The following UBR2 variants were observed in gnomAD, a reference collection of about 807,000 sequenced individuals.
UBR2 encodes the protein E3 ubiquitin-protein ligase UBR2.
In UBR2, 92 loss-of-function variants were observed where a neutral mutation model predicts 247.9. The observed-to-expected ratio is 0.37, with a 90% CI of 0.31 to 0.44. The LOEUF is 0.44. Ranked by LOEUF, UBR2 falls within the 20% of genes least tolerant of loss-of-function variation. The pLI, the probability that UBR2 is intolerant of heterozygous loss-of-function variation, is 1.00. For synonymous variants in UBR2, 672 were observed against 693.5 expected (o/e 0.97, Z 0.49); for missense variants, 1,613 against 2,112.6 (o/e 0.76, Z 4.64).
Position 42,692,179 on chromosome 6 carries a change from A to G in UBR2, c.*1006A>G, listed in dbSNP as rs558244086. The stretch of plus-strand genomic sequence containing the variant: ...ATTTTCTTATCTGTATTCTTTTAGA[A>G]TACCCTAATGTTTCAGACAGTGATA... On this transcript the variant is annotated 3_prime_UTR_variant, in exon 47 of 47. Transcript: ENST00000372901. 2.6e-5 allele frequency: 4 copies of G among 152,266 alleles called. No homozygotes were observed. The South Asian group carries it at 8.3e-4, about 32-fold the overall frequency. 9.4% of individuals were successfully genotyped at this position (152,266 alleles called of 1,614,324 possible).
chr6:42,652,496 C>T lies in UBR2; in HGVS notation c.2620C>T (p.Pro874Ser), dbSNP rs200837255. The change falls in exon 25 of 47, where the codon CCA becomes TCA. Residue 874 changes from proline (P) to serine (S), a missense_variant. Transcript: ENST00000372901. ...KRQNREDTAL[P>S]PPVLPPFCPL... The stretch of plus-strand genomic sequence containing the variant: ...AATAACAACTGTATTTTCAGCACTC[C>T]CACCTCCGGTGTTGCCTCCATTCTG... 1.9e-6 allele frequency: 3 copies of T among 1,600,252 alleles called. No individual in the cohort carries two copies. In the African/African-American group the frequency reaches 4.0e-5, roughly 22 times the overall value.
rs1178147743 is a variant in UBR2, at chr6:42,632,578, C to T, written c.1308C>T (p.Asn436=). 3 of 1,607,506 alleles carry T rather than the reference C, an allele frequency of 1.9e-6. No individual in the cohort carries two copies. Among genetic ancestry groups the T allele is most frequent in the East Asian group, 4.5e-5 (2 of 44,760 alleles). The change falls in exon 12 of 47, where the codon AAC becomes AAT. Residue 436 remains asparagine, a synonymous_variant. Transcript: ENST00000372901. ...SLARMLITEE[N]LMSIIIKTFM... ...CTCGAATGCTCATCACAGAAGAAAA[C>T]TTAATGAGCATTATCATTAAGACTT...
Position 42,658,716 on chromosome 6 carries a change from T to G in UBR2, c.3134T>G (p.Ile1045Ser). The change falls in exon 29 of 47, where the codon ATC (isoleucine) becomes AGC (serine). Residue 1045 changes from isoleucine to serine, a missense_variant. Physicochemically the swap from Ile to Ser is moderately radical, Grantham distance 142. Around this residue, in one of 3 missense-constraint regions of UBR2, gnomAD observed 1,524 missense variants for 1,967.3 expected, o/e 0.77. Transcript: ENST00000372901. ...AEIARLRREK[I>S]MAQMSEMQRH... The stretch of plus-strand genomic sequence containing the variant: ...ATTGCCAGACTGCGCAGAGAAAAGA[T>G]CATGGCTCAGATGTCTGAAATGCAG... 6.2e-7 allele frequency: 1 copy of G among 1,612,880 alleles called. No homozygotes were observed. Among genetic ancestry groups the G allele is most frequent in the Non-Finnish European group, 8.5e-7 (1 of 1,179,824 alleles).
Position 42,600,640 on chromosome 6 carries a change from AAAAAAAATT to A in UBR2, c.532-2946_532-2938del, listed in dbSNP as rs1213037876. ...GTTACTGTAGCAAAAAAAAAAAAAA[AAAAAAAATT>A]ATCAGTTGGTGTTCCAATATGGAAT... On this transcript the variant is annotated intron_variant, in intron 4 of 46. Transcript: ENST00000372901. Among the ~76,000 whole-genome samples, 581 of 151,848 alleles carry A rather than the reference AAAAAAAATT, an allele frequency of 3.8e-3. 1 individual carries two copies. The highest frequency in any genetic ancestry group is 0.013 in the African/African-American group (538 of 41,356).
chr6:42,650,252 G>A (rs1797036998), intron 22 of UBR2, 32 bp from the exon 23 acceptor site: 1 of 1,546,740 alleles, frequency 6.5e-7, no homozygotes, highest in Non-Finnish European at 8.9e-7. Flanking sequence ...TATGGCTTTG[G>A]TAATAATATT....
chr6:42,629,913 G>T (rs1311142638), intron 11 of UBR2, among the ~76,000 whole-genome samples: 2 of 151,930 alleles, frequency 1.3e-5, no homozygotes, highest in Non-Finnish European at 2.9e-5. Flanking sequence ...TTTTTGTTTT[G>T]GTTTTGGTTT....
chr6:42,651,169 C>T (rs1797086474), intron 23 of UBR2, among the ~76,000 whole-genome samples: 1 of 150,950 alleles, frequency 6.6e-6, no homozygotes, highest in Non-Finnish European at 1.5e-5. Context: ...CTGCAGTGAG[C>T]TATGATTGCA....
At chr6:42,583,540 T>C (rs1033708723) in intron 2 of UBR2, among the ~76,000 whole-genome samples, 3 of 151,402 alleles carry the variant, frequency 2.0e-5, no homozygotes, top group African/African-American at 7.3e-5. Flanking sequence ...TTTTTTTTTT[T>C]TCTCTGAGAC....
chr6:42,680,739 A>G (rs1186873071), intron 42 of UBR2, among the ~76,000 whole-genome samples: 2 of 152,174 alleles, frequency 1.3e-5, no homozygotes, highest in African/African-American at 4.8e-5. Flanking sequence ...AAAACGGGGG[A>G]AAATATTTGC....
chr6:42,612,323 AT>A, intron 8 of UBR2, 32 bp downstream of exon 8: 1 of 1,468,032 alleles, frequency 6.8e-7, no homozygotes, highest in Non-Finnish European at 9.2e-7. Context: ...CCAATTGTCT[AT>A]TAAAAATGAG....
chr6:42,633,014 G>A (rs889316793), intron 13 of UBR2, 110 bp downstream of exon 13: 1 of 687,862 alleles, frequency 1.5e-6, no homozygotes, highest in Admixed American at 4.8e-5. Context: ...GGGTCTCACT[G>A]TGTTGCCCAG....
At chr6:42,662,418 A>C in intron 31 of UBR2, 141 bp downstream of exon 31, 1 of 579,690 alleles carries the variant, frequency 1.7e-6, no homozygotes, top group Non-Finnish European at 3.0e-6. Flanking sequence ...ATAAATAACA[A>C]AAGTTATTTG....
chr6:42,678,509 T>C, intron 40 of UBR2, 30 bp from the exon 41 acceptor site: 1 of 1,596,164 alleles, frequency 6.3e-7, no homozygotes, highest in Non-Finnish European at 8.5e-7. Context: ...TCTTAGTAGA[T>C]TTCCCAATAA....
At chr6:42,676,308 T>A in intron 39 of UBR2, 117 bp downstream of exon 39, 1 of 1,157,504 alleles carries the variant, frequency 8.6e-7, no homozygotes, top group South Asian at 2.2e-5. Context: ...AAGGCTGTTT[T>A]TTTCTGTGTA....
intron 13 of UBR2, 47 bp downstream of exon 13, chr6:42,632,951 C>A: frequency 7.4e-6 from 7 of 941,680 alleles, no homozygotes; most frequent in East Asian, 3.4e-5. Flanking sequence ...TTTTTTTTCT[C>A]TTTTCTCTTT....
intron 39 of UBR2, 85 bp downstream of exon 39, chr6:42,676,276 T>A: frequency 7.1e-7 from 1 of 1,410,436 alleles, no homozygotes; most frequent in Non-Finnish European, 9.4e-7. Flanking sequence ...AAAAGGTATT[T>A]GGATGAGAAT....
intron 1 of UBR2, among the ~76,000 whole-genome samples, chr6:42,568,081 G>T (rs1225922347): frequency 6.6e-6 from 1 of 152,060 alleles, no homozygotes; most frequent in Non-Finnish European, 1.5e-5. Flanking sequence ...TAATGAATTT[G>T]TTAAGTTTTA....
chr6:42,642,492 A>T lies in UBR2; in HGVS notation c.2097+11A>T. 1 of 1,602,352 alleles carries T rather than the reference A, an allele frequency of 6.2e-7. No homozygotes were observed. The highest frequency in any genetic ancestry group is 1.1e-5 in the South Asian group (1 of 90,312). ...GTAGTAATGCTTCAGGTAATGAATT[A>T]AAAGCATTGAACTTAAAGGTTGTGG... On this transcript the variant is annotated intron_variant, in intron 18 of 46. Coordinates refer to ENST00000372901, the MANE Select transcript of UBR2 (RefSeq NM_001363705.2).
intron 26 of UBR2, among the ~76,000 whole-genome samples, chr6:42,657,061 C>T (rs1401553933): frequency 6.6e-6 from 1 of 151,798 alleles, no homozygotes; most frequent in East Asian, 1.9e-4. Context: ...ATGACGAAAC[C>T]CTGTCTCTAC....
Sources: gnomAD v4.1 joint callset for allele counts (sites outside exome capture counted in the v4.1 genomes callset) on GRCh38, gnomAD v4.1.1 for gene constraint, gnomAD v4.1.1 regional missense constraint, MANE v1.5 for transcripts, NCBI Gene and HGNC (gene_info 2026-07-23, HGNC 2026-07-21) for gene names.